The following SRSF11 variants were observed in gnomAD, a reference collection of about 807,000 sequenced individuals.
SRSF11 encodes serine and arginine rich splicing factor 11.
In SRSF11, 9 loss-of-function variants were observed where a neutral mutation model predicts 56.0. That is an observed-to-expected ratio of 0.16 (90% confidence interval 0.10 to 0.28). The LOEUF (loss-of-function observed/expected upper bound fraction) is 0.28. Ranked by LOEUF, SRSF11 falls within the 10% of genes least tolerant of loss-of-function variation. The probability of loss-of-function intolerance (pLI) is 1.00; values close to 1 mark genes in which losing one functional copy is unlikely to be tolerated. For synonymous variants in SRSF11, 222 were observed against 215.3 expected, an observed-to-expected ratio of 1.03 and a Z score of -0.27; for missense variants, 421 against 600.7, an observed-to-expected ratio of 0.70 and a Z score of 3.13.
chr1:70,217,058 A>G (rs1178439615), upstream of SRSF11, among the ~76,000 whole-genome samples: 2 of 152,218 alleles, frequency 1.3e-5, no homozygotes, highest in Non-Finnish European at 2.9e-5. Flanking sequence ...GTCTCAGCAG[A>G]TAACACTTTT....
At chr1:70,212,351 G>A (rs1213142296) in intron 1 of SRSF11, among the ~76,000 whole-genome samples, 1 of 152,016 alleles carries the variant, frequency 6.6e-6, no homozygotes, top group Non-Finnish European at 1.5e-5. Flanking sequence ...CCACCTCCTG[G>A]GTTCAAGCGA....
intron 1 of SRSF11, 56 bp downstream of exon 1, chr1:70,221,895 C>T: frequency 6.2e-7 from 1 of 1,603,256 alleles, no homozygotes; most frequent in Non-Finnish European, 8.5e-7. Flanking sequence ...CTGGGCCTAA[C>T]ACACACAATT....
intron 2 of SRSF11, chr1:70,230,342 A>G (rs1359262002): frequency 9.5e-7 from 1 of 1,056,542 alleles, no homozygotes; most frequent in African/African-American, 1.7e-5. Context: ...TTCCCTCCAG[A>G]TTTAGCTATT....
intron 1 of SRSF11, among the ~76,000 whole-genome samples, chr1:70,210,572 G>C (rs1372461090): frequency 6.6e-6 from 1 of 152,150 alleles, no homozygotes; most frequent in Non-Finnish European, 1.5e-5. Flanking sequence ...AATTACCTGG[G>C]TGTGGTGTGG....
intron 5 of SRSF11, 120 bp from the exon 6 acceptor site, chr1:70,237,305 T>C: frequency 7.9e-7 from 1 of 1,258,356 alleles, no homozygotes; most frequent in Non-Finnish European, 1.1e-6. Flanking sequence ...CATGGAGTCC[T>C]CCCCTCCCTT....
At chr1:70,228,721 A>G in intron 2 of SRSF11, 166 bp downstream of exon 2, 2 of 1,299,036 alleles carry the variant, frequency 1.5e-6, no homozygotes, top group Non-Finnish European at 2.0e-6. Context: ...TTTAATTCTA[A>G]AAATTAGAAA....
At chr1:70,248,310 C>T (rs1677205161) in intron 9 of SRSF11, 3 of 151,978 alleles carry the variant, frequency 2.0e-5, no homozygotes, top group South Asian at 2.1e-4. Flanking sequence ...GAATATTTTT[C>T]AGTGATAAAT....
intron 1 of SRSF11, among the ~76,000 whole-genome samples, chr1:70,225,537 A>C (rs1021798531): frequency 5.9e-5 from 9 of 152,190 alleles, no homozygotes; most frequent in Non-Finnish European, 1.2e-4. Context: ...GGCTGATATC[A>C]GTGGCCTAAA....
At chr1:70,242,161 G>A (rs1319912254) in intron 7 of SRSF11, among the ~76,000 whole-genome samples, 7 of 126,202 alleles carry the variant, frequency 5.5e-5, no homozygotes, top group Admixed American at 3.4e-4. Context: ...GCGAGACTCC[G>A]TCTTAAAAAA....
At chr1:70,217,457 G>C (rs1055041050), upstream of SRSF11, among the ~76,000 whole-genome samples, 47 of 152,054 alleles carry the variant, frequency 3.1e-4, 1 homozygote, top group Non-Finnish European at 6.6e-4. Context: ...GCGCCTGGCT[G>C]TGTTGTTTTT....
In SRSF11 at chr1:70,250,071, G is replaced by A. The variant is rs191390727; in HGVS notation, c.1118+24G>A. On this transcript the variant is annotated intron_variant, in intron 10 of 11. Coordinates refer to ENST00000370949, the MANE Select transcript of SRSF11 (RefSeq NM_001350605.2). ...AGGTAAGAATGTTAATCATTTAAAT[G>A]TATTTTTTATATTTTTCAGAGGTTT... The A allele has an allele frequency of 7.1e-4, 1,115 of 1,578,132 alleles. 13 individuals carry two copies. In the African/African-American group the frequency reaches 0.013, roughly 19 times the overall value.
rs865887402 is a variant in SRSF11, at chr1:70,251,832, C to T, written c.*1027C>T. On this transcript the variant is annotated 3_prime_UTR_variant, in exon 12 of 12. Coordinates refer to ENST00000370949, the MANE Select transcript of SRSF11 (RefSeq NM_001350605.2). ...TACTGCAGTAGTAATCTTATGCACA[C>T]GGTGATTTCATGTTATATATGCAAA... The T allele has an allele frequency of 3.9e-5, 6 of 152,494 alleles. No individual in the cohort carries two copies. Among genetic ancestry groups the T allele is most frequent in the East Asian group, 3.8e-4 (2 of 5,198 alleles). 9.4% of individuals were successfully genotyped at this position (152,494 alleles called of 1,614,324 possible).
chr1:70,238,642 A>G (rs1248516041), intron 6 of SRSF11, among the ~76,000 whole-genome samples: 1 of 152,210 alleles, frequency 6.6e-6, no homozygotes, highest in East Asian at 1.9e-4. Flanking sequence ...CTAGCTTACT[A>G]AAATCTGATT....
upstream of SRSF11, chr1:70,220,692 A>G (rs1029880861): frequency 1.2e-4 from 18 of 152,106 alleles, no homozygotes; most frequent in African/African-American, 4.3e-4. Context: ...TCTACTAAAA[A>G]TACAAAACTT....
rs1677725906 is a variant in SRSF11, at chr1:70,250,351, T to C, written c.1119-14T>C. The C allele has an allele frequency of 1.2e-6, 2 of 1,609,146 alleles. No homozygotes were observed. The highest frequency in any genetic ancestry group is 1.3e-5 in the African/African-American group (1 of 74,350). ...AAGTTAAACCTGTTGCTGTACATTT[T>C]ACTGTCATTCTAGACATAAAAAGGA... On this transcript the variant is annotated splice_polypyrimidine_tract_variant and intron_variant, in intron 10 of 11. Transcript: ENST00000370949.
intron 1 of SRSF11, among the ~76,000 whole-genome samples, chr1:70,224,988 A>G (rs1228502384): frequency 6.6e-6 from 1 of 152,220 alleles, no homozygotes; most frequent in African/African-American, 2.4e-5. Flanking sequence ...AAATTTACAT[A>G]GGTATTTTTT....
At chr1:70,248,417 C>T (rs1677230171) in intron 9 of SRSF11, 1 of 151,892 alleles carries the variant, frequency 6.6e-6, no homozygotes, top group Non-Finnish European at 1.5e-5. Flanking sequence ...CCAGAATAGG[C>T]AAATCTATAA....
Position 70,252,126 on chromosome 1 carries a change from A to G in SRSF11, c.*1321A>G, listed in dbSNP as rs1028488666. 1 of 152,562 alleles carries G rather than the reference A, an allele frequency of 6.6e-6. No individual in the cohort carries two copies. Among genetic ancestry groups the G allele is most frequent in the Non-Finnish European group, 1.5e-5 (1 of 67,988 alleles). The allele number at this position is 152,562 out of a possible 1,614,324, so 9.5% of individuals were successfully genotyped here. A position where few individuals can be genotyped will look rare whatever the true frequency, so the allele number is the denominator to read the frequency against. ...ATATTTCAGTATAGTAAAAAGAGGA[A>G]GTCTATCACTGTAGTGATAATTGCC... On this transcript the variant is annotated 3_prime_UTR_variant, in exon 12 of 12. Transcript: ENST00000370949.
chr1:70,232,204 G>A, intron 2 of SRSF11, 64 bp from the exon 3 acceptor site: 1 of 1,612,464 alleles, frequency 6.2e-7, no homozygotes, highest in Non-Finnish European at 8.5e-7. Flanking sequence ...CATTTTCTGG[G>A]TGTTTTTGTG....
Sources: gnomAD v4.1 joint callset for allele counts (sites outside exome capture counted in the v4.1 genomes callset) on GRCh38, gnomAD v4.1.1 for gene constraint, MANE v1.5 for transcripts, NCBI Gene and HGNC (gene_info 2026-07-23, HGNC 2026-07-21) for gene names.